Variants in ULK4 observed in about 807,000 individuals in gnomAD.
The protein encoded by ULK4 is unc-51 like kinase 4, also known as inactive serine/threonine-protein kinase ULK4.
Under a neutral mutation model 160.6 loss-of-function variants are expected in ULK4, and 133 were observed. The ratio of observed to expected loss-of-function variants is 0.83; its 90% CI spans 0.72 to 0.96. The LOEUF (loss-of-function observed/expected upper bound fraction) is 0.96. Ranked by LOEUF, ULK4 falls within the 40% of genes least tolerant of loss-of-function variation. The pLI, the probability that ULK4 is intolerant of heterozygous loss-of-function variation, is 0.00. For synonymous variants in ULK4, 534 were observed against 539.8 expected (o/e 0.99, Z 0.15); for missense variants, 1,580 against 1,499.5 (o/e 1.05, Z -0.89).
intron 34 of ULK4, among the ~76,000 whole-genome samples, chr3:41,424,831 CAAAAAAAAAAA>C (rs36097613): frequency 1.6e-5 from 1 of 62,400 alleles, no homozygotes; most frequent in African/African-American, 6.5e-5. Context: ...AAGAAATCAT[CAAAAAAAAAAA>C]AAAAAAAAAA....
chr3:41,747,985 T>C (rs918053520), intron 22 of ULK4, among the ~76,000 whole-genome samples: 3 of 152,120 alleles, frequency 2.0e-5, no homozygotes, highest in African/African-American at 4.8e-5. Flanking sequence ...TTTAAAAAGA[T>C]AGAAAAATAA....
At position 41,556,222 on chromosome 3, in the gene ULK4, G is replaced by A. The variant is rs1575407828; in HGVS notation, c.3226+9803C>T. 3.3e-5 allele frequency among the ~76,000 whole-genome samples: 5 copies of A among 152,204 alleles called. No individual in the cohort carries two copies. The South Asian group carries it at 8.3e-4, about 25-fold the overall frequency. On this transcript the variant is annotated intron_variant, in intron 32 of 36. Coordinates refer to ENST00000301831, the MANE Select transcript of ULK4 (RefSeq NM_017886.4). Reference sequence around the variant, plus strand: ...AATACATTATATAAGAAATGGTAATGGGGCAGTAACTTCTGAAATGTAGGA... The same window carrying A: ...AATACATTATATAAGAAATGGTAATAGGGCAGTAACTTCTGAAATGTAGGA...
chr3:41,306,592 C>G (rs986589184), intron 35 of ULK4, among the ~76,000 whole-genome samples: 41 of 151,526 alleles, frequency 2.7e-4, no homozygotes, highest in East Asian at 1.6e-3. Context: ...CCCGGCCGCC[C>G]CTACTGGGAA....
chr3:41,925,257 C>G (rs1228700878), intron 5 of ULK4, among the ~76,000 whole-genome samples: 1 of 152,188 alleles, frequency 6.6e-6, no homozygotes, highest in African/African-American at 2.4e-5. Context: ...AGAGGGCAGG[C>G]AGAAGCAAGG....
At chr3:41,420,468 G>GTTCT (rs1158346684) in intron 34 of ULK4, among the ~76,000 whole-genome samples, 5 of 90,048 alleles carry the variant, frequency 5.6e-5, no homozygotes, top group African/African-American at 9.2e-5. Context: ...CAGTTTTCCA[G>GTTCT]TTCTTTCTTT....
intron 35 of ULK4, among the ~76,000 whole-genome samples, chr3:41,294,914 T>C (rs1432720492): frequency 8.5e-5 from 13 of 152,168 alleles, no homozygotes; most frequent in African/African-American, 2.9e-4. Context: ...GCAATCAAAA[T>C]CCCAGGAGAT....
At position 41,558,597 on chromosome 3, in the gene ULK4, G is replaced by A. The variant is rs141099068; in HGVS notation, c.3226+7428C>T. Among the ~76,000 whole-genome samples the A allele has an allele frequency of 2.6e-5, 4 of 151,938 alleles. No homozygotes were observed. The East Asian group carries it at 7.8e-4, about 30-fold the overall frequency. ...TGGGCGACTGTAATCCCAGCTACTC[G>A]GGAGGCTGAGGCAGCAGAATTGCTG... On this transcript the variant is annotated intron_variant, in intron 32 of 36. Coordinates refer to ENST00000301831, the MANE Select transcript of ULK4 (RefSeq NM_017886.4).
At chr3:41,949,629 C>G (rs2148839594) in intron 2 of ULK4, among the ~76,000 whole-genome samples, 1 of 151,718 alleles carries the variant, frequency 6.6e-6, no homozygotes, top group African/African-American at 2.4e-5. Flanking sequence ...GACAGGGTTT[C>G]ACCATGTTGG....
At position 41,807,537 on chromosome 3, in the gene ULK4, GC is replaced by G. The variant is rs536918814; in HGVS notation, c.1849-7245del. Among the ~76,000 whole-genome samples the G allele has an allele frequency of 1.7e-3, 262 of 152,048 alleles. 1 individual carries two copies. The highest frequency in any genetic ancestry group is 3.2e-3 in the Non-Finnish European group (215 of 67,996). Reference sequence around the variant, plus strand: ...TATCCTTCACTATTTTTATCTCTTTGCCCCAGCTTCATTATCTACAAAATGA... The same window carrying G: ...TATCCTTCACTATTTTTATCTCTTTGCCCAGCTTCATTATCTACAAAATGA... On this transcript the variant is annotated intron_variant, in intron 19 of 36. Transcript: ENST00000301831.
intron 2 of ULK4, among the ~76,000 whole-genome samples, chr3:41,953,285 C>CATATACAT (rs1553692180): frequency 2.3e-5 from 2 of 85,928 alleles, no homozygotes; most frequent in African/African-American, 7.6e-5. Flanking sequence ...CATATATACA[C>CATATACAT]ATATATATAT....
chr3:41,497,817 G>T (rs1027081328), intron 32 of ULK4, among the ~76,000 whole-genome samples: 1 of 152,148 alleles, frequency 6.6e-6, no homozygotes, highest in African/African-American at 2.4e-5. Flanking sequence ...AGGAGTTCAA[G>T]ACTGTAGTGT....
At chr3:41,396,428 C>T (rs1489720822) in intron 35 of ULK4, among the ~76,000 whole-genome samples, 1 of 152,086 alleles carries the variant, frequency 6.6e-6, no homozygotes, top group Non-Finnish European at 1.5e-5. Flanking sequence ...TTCCAAGCTT[C>T]TGACATTCTC....
Position 41,705,304 on chromosome 3 carries a change from CT to C in ULK4, c.2635del (p.Ser879ValfsTer6). The C allele has an allele frequency of 6.2e-7, 1 of 1,605,174 alleles. No individual in the cohort carries two copies. Among genetic ancestry groups the C allele is most frequent in the Non-Finnish European group, 8.5e-7 (1 of 1,176,460 alleles). ...EFLFSYGTILSHIKSVDSGET... is the reference protein window; with the variant it reads ...EFLFSYGTILXHIKSVDSGET... Reference sequence around the variant, plus strand: ...TCCTGAGTCTACAGATTTAATATGACTCTGAAAAAAAATAAATTTTTAATAA... The same window carrying C: ...TCCTGAGTCTACAGATTTAATATGACCTGAAAAAAAATAAATTTTTAATAA... On this transcript the variant is annotated frameshift_variant and splice_region_variant, in exon 26 of 37. Coordinates refer to ENST00000301831, the MANE Select transcript of ULK4 (RefSeq NM_017886.4). LOFTEE classifies it high-confidence loss of function.
In ULK4 at chr3:41,881,673, T is replaced by C. The variant is rs151073228; in HGVS notation, c.1656+2201A>G. On this transcript the variant is annotated intron_variant, in intron 17 of 36. Coordinates refer to ENST00000301831, the MANE Select transcript of ULK4 (RefSeq NM_017886.4). The stretch of plus-strand genomic sequence containing the variant: ...GTGTAATTCAAAATAGTTCACCAGA[T>C]AGTTCAGTACACGCCATTTTTTTTA... Among the ~76,000 whole-genome samples the C allele has an allele frequency of 7.2e-5, 11 of 152,310 alleles. No individual in the cohort carries two copies. In the East Asian group the frequency reaches 1.5e-3, roughly 21 times the overall value.
At chr3:41,314,835 A>G (rs1470586417) in intron 35 of ULK4, among the ~76,000 whole-genome samples, 1 of 146,358 alleles carries the variant, frequency 6.8e-6, no homozygotes, top group Non-Finnish European at 1.5e-5. Context: ...GTGTGTGTGT[A>G]ACCACTGATC....
intron 32 of ULK4, among the ~76,000 whole-genome samples, chr3:41,556,486 A>AGTT (rs1240368514): frequency 3.5e-5 from 2 of 56,488 alleles, no homozygotes; most frequent in Non-Finnish European, 6.8e-5. Context: ...ACTCTACCAA[A>AGTT]CTTTTTTTTT....
chr3:41,732,659 C>T (rs79831941), intron 22 of ULK4, among the ~76,000 whole-genome samples: 205 of 152,206 alleles, frequency 1.3e-3, no homozygotes, highest in African/African-American at 4.7e-3. Context: ...CAAAGGAATA[C>T]ATGCACTCCC....
At chr3:41,619,663 G>A (rs563407866) in intron 30 of ULK4, among the ~76,000 whole-genome samples, 150 of 151,918 alleles carry the variant, frequency 9.9e-4, no homozygotes, top group Non-Finnish European at 1.8e-3. Flanking sequence ...GGAAAAAAAC[G>A]GGAAAGATCT....
At chr3:41,468,783 C>A (rs1334539476) in intron 32 of ULK4, among the ~76,000 whole-genome samples, 3 of 152,186 alleles carry the variant, frequency 2.0e-5, no homozygotes, top group African/African-American at 7.2e-5. Flanking sequence ...AGGTGGACAA[C>A]CATCTTCTCT....
Sources: gnomAD v4.1 joint callset for allele counts (sites outside exome capture counted in the v4.1 genomes callset) on GRCh38, gnomAD v4.1.1 for gene constraint, MANE v1.5 for transcripts, NCBI Gene and HGNC (gene_info 2026-07-23, HGNC 2026-07-21) for gene names.